KALRN: variants seen among roughly 807,000 people sequenced by gnomAD.
KALRN encodes the protein kalirin.
Under a neutral mutation model 353.7 loss-of-function variants are expected in KALRN, and 70 were observed. The ratio of observed to expected loss-of-function variants is 0.20; its 90% CI spans 0.16 to 0.24. KALRN has a LOEUF of 0.24. KALRN is among the 10% of genes least tolerant of loss of function. KALRN has a pLI of 1.00. For missense variants in KALRN, 2,791 were observed against 3,756.7 expected (o/e 0.74, Z 6.72); for synonymous variants, 1,391 against 1,434.8 (o/e 0.97, Z 0.69).
At position 124,666,542 on chromosome 3, in the gene KALRN, C is replaced by T. The variant is rs776077977; in HGVS notation, c.6439C>T (p.Arg2147Cys). 1.2e-6 allele frequency: 2 copies of T among 1,613,784 alleles called. No individual in the cohort carries two copies. The highest frequency in any genetic ancestry group is 1.1e-5 in the South Asian group (1 of 91,070). ...CATGCAGTCCCGGACCAAAGAGAGG[C>T]GCGTGTTCCTCTTCGAGCAGATTGT... Reference protein sequence around the residue: ...AGMQSRTKERRVFLFEQIVIF... With the variant: ...AGMQSRTKERCVFLFEQIVIF... Residue 2147 changes from arginine (R) to cysteine (C), a missense_variant, in exon 46 of 60, where the codon CGC becomes TGC. Transcript: ENST00000682506.
chr3:124,412,709 A>G lies in KALRN; in HGVS notation c.2347-761A>G, dbSNP rs181467656. 2.3e-3 allele frequency among the ~76,000 whole-genome samples: 354 copies of G among 152,368 alleles called. 2 individuals carry two copies. The highest frequency in any genetic ancestry group is 5.8e-4 in the East Asian group (3 of 5,190). On this transcript the variant is annotated intron_variant, in intron 13 of 59. Transcript: ENST00000682506. The stretch of plus-strand genomic sequence containing the variant: ...AATGTTTGCATTCATTACATGCTTT[A>G]GTATTCATTAGAATCATTAATGCCT...
At chr3:124,362,653 C>G (rs971734024) in intron 10 of KALRN, among the ~76,000 whole-genome samples, 1 of 152,214 alleles carries the variant, frequency 6.6e-6, no homozygotes, top group Non-Finnish European at 1.5e-5. Flanking sequence ...CTATTTTGCA[C>G]AATATATCTG....
chr3:124,164,049 T>C (rs1032671489), intron 1 of KALRN: 4 of 876,936 alleles, frequency 4.6e-6, no homozygotes, highest in African/African-American at 1.8e-5. Context: ...ACACAGTCAG[T>C]TTTTATAGCT....
intron 1 of KALRN, among the ~76,000 whole-genome samples, chr3:124,170,614 A>G (rs2071615851): frequency 6.6e-6 from 1 of 152,086 alleles, no homozygotes; most frequent in Non-Finnish European, 1.5e-5. Context: ...TTTCCTCTTG[A>G]GTACACACAG....
intron 53 of KALRN, among the ~76,000 whole-genome samples, chr3:124,695,420 C>T (rs1258403738): frequency 2.0e-5 from 3 of 152,196 alleles, no homozygotes; most frequent in South Asian, 4.2e-4. Context: ...CTTGGTATTC[C>T]CAGCAGAGAC....
At chr3:124,413,697 G>C in intron 14 of KALRN, 32 bp downstream of exon 14, 1 of 1,580,170 alleles carries the variant, frequency 6.3e-7, no homozygotes, top group South Asian at 1.1e-5. Context: ...CCTGGCAGAG[G>C]AGATGATGAA....
intron 15 of KALRN, among the ~76,000 whole-genome samples, chr3:124,428,718 A>G (rs1039087157): frequency 1.5e-4 from 23 of 152,242 alleles, no homozygotes; most frequent in Non-Finnish European, 3.4e-4. Flanking sequence ...GAATAAGGAA[A>G]TGATGTTATA....
chr3:124,312,281 C>T (rs1245173823), intron 6 of KALRN, among the ~76,000 whole-genome samples: 1 of 152,170 alleles, frequency 6.6e-6, no homozygotes, highest in African/African-American at 2.4e-5. Flanking sequence ...ATGCCTCAGC[C>T]TCCTGAGTAG....
intron 1 of KALRN, among the ~76,000 whole-genome samples, chr3:124,038,014 C>G (rs563004884): frequency 6.6e-6 from 1 of 152,162 alleles, no homozygotes; most frequent in African/African-American, 2.4e-5. Flanking sequence ...GAGGCTAGGG[C>G]TGTTGATGTT....
chr3:124,259,230 T>C (rs756037), intron 3 of KALRN, among the ~76,000 whole-genome samples: 105,787 of 152,094 alleles, frequency 0.7, 38,645 homozygotes, highest in Non-Finnish European at 0.82. Context: ...GGCTCTGACA[T>C]ACCTGTACCA....
Position 124,661,833 on chromosome 3 carries a change from A to T in KALRN, c.6268-18A>T, listed in dbSNP as rs1258980303. On this transcript the variant is annotated intron_variant, in intron 44 of 59. Transcript: ENST00000682506. ...AGTGCTGTTCCCCCTCCTGAGTAACAGTTGTTCTTTCCCACAGAAAGCAGT... is the reference window on the plus strand; with the variant it reads ...AGTGCTGTTCCCCCTCCTGAGTAACTGTTGTTCTTTCCCACAGAAAGCAGT... 1 of 1,607,004 alleles carries T rather than the reference A, an allele frequency of 6.2e-7. No individual in the cohort carries two copies. Among genetic ancestry groups the T allele is most frequent in the Non-Finnish European group, 8.5e-7 (1 of 1,173,604 alleles).
At chr3:124,671,977 CTCGGTCTG>C (rs2086519083) in intron 48 of KALRN, 79 bp downstream of exon 48, 9 of 1,085,742 alleles carry the variant, frequency 8.3e-6, no homozygotes, top group Non-Finnish European at 1.4e-6. Flanking sequence ...GAGAAGGAGT[CTCGGTCTG>C]TCATCCAGGC....
chr3:124,702,007 A>G (rs752628238), intron 56 of KALRN, 31 bp from the exon 57 acceptor site: 1 of 1,565,052 alleles, frequency 6.4e-7, no homozygotes, highest in Non-Finnish European at 8.8e-7. Context: ...GACATCCTCG[A>G]TATTGTAAAT....
At chr3:124,351,242 G>A (rs1297925404) in intron 10 of KALRN, among the ~76,000 whole-genome samples, 1 of 152,172 alleles carries the variant, frequency 6.6e-6, no homozygotes, top group Non-Finnish European at 1.5e-5. Flanking sequence ...GAAGATCAAT[G>A]ACAGAAAGCC....
chr3:124,688,855 G>A (rs921559879), intron 51 of KALRN, among the ~76,000 whole-genome samples: 3 of 152,210 alleles, frequency 2.0e-5, no homozygotes, highest in Admixed American at 2.0e-4. Flanking sequence ...ATGGTAGTCA[G>A]TGCTGGTTAA....
At position 124,633,866 on chromosome 3, in the gene KALRN, G is replaced by C; in HGVS notation, c.5481G>C (p.Trp1827Cys). The part of the protein sequence containing the change: ...GDSADESKKG[W>C]GEDEPDEESH... ...TGTTCTAGAAGAGCAAGAAAGGTTGGGGTGAAGATGAGCCGGATGAAGAGT... is the reference window on the plus strand; with the variant it reads ...TGTTCTAGAAGAGCAAGAAAGGTTGCGGTGAAGATGAGCCGGATGAAGAGT... The change falls in exon 36 of 60, where the codon TGG becomes TGC. Residue 1827 changes from tryptophan (W) to cysteine (C), a missense_variant. Around this residue, in one of 11 missense-constraint regions of KALRN, gnomAD observed 1,065 missense variants for 1,156.4 expected, o/e 0.92. Coordinates refer to ENST00000682506, the MANE Select transcript of KALRN (RefSeq NM_001388419.1). 1.2e-6 allele frequency: 2 copies of C among 1,613,916 alleles called. No homozygotes were observed. Among genetic ancestry groups the C allele is most frequent in the Non-Finnish European group, 1.7e-6 (2 of 1,179,912 alleles).
At chr3:124,351,136 G>T (rs1362994071) in intron 10 of KALRN, among the ~76,000 whole-genome samples, 3 of 152,132 alleles carry the variant, frequency 2.0e-5, no homozygotes, top group Non-Finnish European at 2.9e-5. Context: ...GGAAGGAAAG[G>T]GTTCTTCTTT....
intron 12 of KALRN, among the ~76,000 whole-genome samples, chr3:124,397,268 G>T (rs1242122271): frequency 6.6e-6 from 1 of 152,214 alleles, no homozygotes; most frequent in Non-Finnish European, 1.5e-5. Flanking sequence ...TGTCCGTGCA[G>T]TTGTGGGAGT....
chr3:124,567,529 C>T (rs926266416), intron 34 of KALRN, among the ~76,000 whole-genome samples: 8 of 152,178 alleles, frequency 5.3e-5, no homozygotes, highest in African/African-American at 1.9e-4. Flanking sequence ...TGCTACTTTA[C>T]TGCCACTCTG....
Sources: gnomAD v4.1 joint callset for allele counts (sites outside exome capture counted in the v4.1 genomes callset) on GRCh38, gnomAD v4.1.1 for gene constraint, gnomAD v4.1.1 regional missense constraint, MANE v1.5 for transcripts, NCBI Gene and HGNC (gene_info 2026-07-23, HGNC 2026-07-21) for gene names.